Variants in ZSCAN2 observed in about 807,000 individuals in gnomAD.
ZSCAN2 encodes zinc finger and SCAN domain containing 2.
A neutral mutation model predicts 47.8 loss-of-function variants in ZSCAN2; 26 were observed. The ratio of observed to expected loss-of-function variants is 0.54; its 90% CI spans 0.40 to 0.75. ZSCAN2 has a LOEUF of 0.75. Ranked by LOEUF, ZSCAN2 falls within the 30% of genes least tolerant of loss-of-function variation. ZSCAN2 has a pLI of 0.00. For missense variants in ZSCAN2, 732 were observed against 785.4 expected (o/e 0.93, Z 0.81); for synonymous variants, 305 against 288.7 (o/e 1.06, Z -0.57).
At chr15:84,613,846 T>C (rs1895621535) in intron 2 of ZSCAN2, among the ~76,000 whole-genome samples, 1 of 151,718 alleles carries the variant, frequency 6.6e-6, no homozygotes, top group Non-Finnish European at 1.5e-5. Flanking sequence ...CATGCCCAGC[T>C]CATTTTTGTA....
At chr15:84,611,191 G>A (rs1022969515) in intron 2 of ZSCAN2, among the ~76,000 whole-genome samples, 12 of 152,082 alleles carry the variant, frequency 7.9e-5, no homozygotes, top group African/African-American at 2.7e-4. Context: ...CAGCTACTGG[G>A]GAGGCTAAGT....
Position 84,621,459 on chromosome 15 carries a change from G to A in ZSCAN2, c.1264G>A (p.Glu422Lys), listed in dbSNP as rs751431697. 1.1e-5 allele frequency: 18 copies of A among 1,613,962 alleles called. No individual in the cohort carries two copies. The highest frequency in any genetic ancestry group is 4.0e-5 in the African/African-American group (3 of 74,870). ...HTGEKPYQCSECGKSFSRSSN... is the reference protein window; with the variant it reads ...HTGEKPYQCSKCGKSFSRSSN... ...AGGAGAGAAACCCTACCAGTGCAGC[G>A]AGTGTGGGAAAAGCTTCAGCCGCAG... The change falls in exon 3 of 3, where the codon GAG becomes AAG. Residue 422 changes from glutamate (E) to lysine (K), a missense_variant. Glu to Lys is a moderately conservative substitution (Grantham distance 56). Coordinates refer to ENST00000546148, the MANE Select transcript of ZSCAN2 (RefSeq NM_181877.4). This position sits in a 1 kb window ranked among gnomAD's most constrained non-coding sequence, Gnocchi z 5.7.
Position 84,621,617 on chromosome 15 carries a change from C to T in ZSCAN2, c.1422C>T (p.Tyr474=), listed in dbSNP as rs372996130. The T allele has an allele frequency of 1.8e-5, 29 of 1,613,936 alleles. No individual in the cohort carries two copies. Among genetic ancestry groups the T allele is most frequent in the African/African-American group, 2.7e-5 (2 of 74,894 alleles). ...GCATGCACACAGGGGAGAAACCCTA[C>T]GAGTGCCTGACATGTGGGGAGAGCT... The part of the protein sequence containing the change: ...HQGMHTGEKP[Y]ECLTCGESFS... The change falls in exon 3 of 3, where the codon TAC becomes TAT. Residue 474 remains tyrosine, a synonymous_variant. Transcript: ENST00000546148. The surrounding 1 kb of genome is among the most constrained non-coding windows in gnomAD (Gnocchi z 5.7).
rs1895286429 is a variant in ZSCAN2 at position 84,603,838 on chromosome 15, T to C, written c.-90T>C. 7.0e-7 allele frequency: 1 copy of C among 1,435,214 alleles called. No individual in the cohort carries two copies. The highest frequency in any genetic ancestry group is 2.2e-5 in the Admixed American group (1 of 46,336). 88.9% of individuals were successfully genotyped at this position (1,435,214 alleles called of 1,614,324 possible). On this transcript the variant is annotated 5_prime_UTR_variant, in exon 2 of 3. Transcript: ENST00000546148. ...TTCTCAGCGGGACTACTTGTTGATA[T>C]TTGAGGAGGGAAGTGTCTTACCTGA...
At chr15:84,614,162 G>GTT (rs112700046) in intron 2 of ZSCAN2, among the ~76,000 whole-genome samples, 43 of 147,892 alleles carry the variant, frequency 2.9e-4, no homozygotes, top group Non-Finnish European at 5.5e-4. Context: ...GGCTAATTCT[G>GTT]TTTTTTTTTG....
In ZSCAN2 at chr15:84,621,110, C is replaced by T; in HGVS notation, c.915C>T (p.Pro305=). 1 of 1,614,080 alleles carries T rather than the reference C, an allele frequency of 6.2e-7. No homozygotes were observed. The highest frequency in any genetic ancestry group is 1.1e-5 in the South Asian group (1 of 91,078). Residue 305 remains proline (P), a synonymous_variant, in exon 3 of 3, where the codon CCC becomes CCT. Transcript: ENST00000546148. This position sits in a 1 kb window ranked among gnomAD's most constrained non-coding sequence, Gnocchi z 5.7. The part of the protein sequence containing the change: ...THQRIHTGEK[P]FQCAECGKSF... ...AGAGGATCCACACGGGGGAAAAGCC[C>T]TTCCAGTGTGCCGAGTGTGGCAAGA...
intron 2 of ZSCAN2, among the ~76,000 whole-genome samples, chr15:84,619,290 T>C (rs928120843): frequency 8.6e-5 from 13 of 151,810 alleles, no homozygotes; most frequent in East Asian, 3.9e-4. Context: ...ATTAGCCGGG[T>C]GTGGTGGTGG....
In ZSCAN2 at chr15:84,621,806, GAGCT is replaced by G; in HGVS notation, c.1612_1615del (p.Phe539AlafsTer70). 1 of 1,614,162 alleles carries G rather than the reference GAGCT, an allele frequency of 6.2e-7. No homozygotes were observed. The highest frequency in any genetic ancestry group is 8.5e-7 in the Non-Finnish European group (1 of 1,180,024). On this transcript the variant is annotated frameshift_variant, in exon 3 of 3. Transcript: ENST00000546148. LOFTEE classifies it high-confidence loss of function. This position sits in a 1 kb window ranked among gnomAD's most constrained non-coding sequence, Gnocchi z 5.7. ...CCTACAAATGCCTCATGTGCGGCAAGAGCTTCAGCCGGGGCTCCATTCTGGTCAT... is the reference window on the plus strand; with the variant it reads ...CCTACAAATGCCTCATGTGCGGCAAGTCAGCCGGGGCTCCATTCTGGTCAT...
intron 1 of ZSCAN2, among the ~76,000 whole-genome samples, chr15:84,601,508 G>A (rs1895201546): frequency 6.6e-6 from 1 of 152,186 alleles, no homozygotes; most frequent in Non-Finnish European, 1.5e-5. Flanking sequence ...CTTTTCCCAG[G>A]CTCCCAAGTA....
Position 84,603,796 on chromosome 15 carries a change from A to G in ZSCAN2, c.-108-24A>G, listed in dbSNP as rs965096812. 6.3e-6 allele frequency: 7 copies of G among 1,109,548 alleles called. No homozygotes were observed. In the South Asian group the frequency reaches 1.1e-4, roughly 18 times the overall value. The allele number at this position is 1,109,548 out of a possible 1,614,324, so 68.7% of individuals were successfully genotyped here. Reference sequence around the variant, plus strand: ...CTTTAGGACAGTCTACCTATGGATTATGGTTCTCTTTTTTGTTTCTCAGCG... The same window carrying G: ...CTTTAGGACAGTCTACCTATGGATTGTGGTTCTCTTTTTTGTTTCTCAGCG... On this transcript the variant is annotated intron_variant, in intron 1 of 2. Transcript: ENST00000546148.
chr15:84,608,832 G>A (rs546647412), intron 2 of ZSCAN2, among the ~76,000 whole-genome samples: 33 of 152,272 alleles, frequency 2.2e-4, no homozygotes, highest in Middle Eastern at 3.4e-3. Context: ...GTGGTCAGTG[G>A]GCCAGCAGCA....
Position 84,606,979 on chromosome 15 carries a change from T to C in ZSCAN2, c.406+2646T>C, listed in dbSNP as rs990549402. 5.1e-6 allele frequency: 3 copies of C among 587,534 alleles called. 1 individual carries two copies. The highest frequency in any genetic ancestry group is 1.2e-4 in the Admixed American group (2 of 16,062). The allele number at this position is 587,534 out of a possible 1,614,324, so 36.4% of individuals were successfully genotyped here. A position where few individuals can be genotyped will look rare whatever the true frequency, so the allele number is the denominator to read the frequency against. On this transcript the variant is annotated intron_variant, in intron 2 of 2. Transcript: ENST00000546148. ...ACCTCTATTCTGTTTGTCCAGCTTA[T>C]GACCTTTGGACACATTCACCCAGCA... is the stretch of plus-strand genomic sequence containing the variant.
intron 1 of ZSCAN2, chr15:84,601,884 C>T (rs1490346450): frequency 1.3e-5 from 2 of 150,364 alleles, no homozygotes; most frequent in Non-Finnish European, 2.9e-5. Context: ...TATTTTAAGT[C>T]GTTTGCAATT....
chr15:84,618,296 T>C (rs1895740706), intron 2 of ZSCAN2, among the ~76,000 whole-genome samples: 1 of 152,080 alleles, frequency 6.6e-6, no homozygotes. Context: ...TGTGCGCCTG[T>C]AGTCCCAGCT....
At chr15:84,605,890 T>C (rs1007505348) in intron 2 of ZSCAN2, among the ~76,000 whole-genome samples, 2 of 152,222 alleles carry the variant, frequency 1.3e-5, no homozygotes, top group Admixed American at 6.5e-5. Flanking sequence ...GGAAAACTCA[T>C]GTAATCTTCA....
intron 2 of ZSCAN2, chr15:84,606,215 G>C: frequency 2.9e-6 from 1 of 350,722 alleles, no homozygotes; most frequent in Non-Finnish European, 5.4e-6. Flanking sequence ...AATGAGTAGA[G>C]CTGTCCTCTG....
chr15:84,620,626 G>A lies in ZSCAN2; in HGVS notation c.431G>A (p.Gly144Glu). 6.2e-7 allele frequency: 1 copy of A among 1,607,014 alleles called. No individual in the cohort carries two copies. Among genetic ancestry groups the A allele is most frequent in the African/African-American group, 1.3e-5 (1 of 74,952 alleles). ...GATTTTGAGATACAGAGTGAAAATG[G>A]GGAGAACTGTAATCAAGACATGTTT... ...DSDFEIQSEN[G>E]ENCNQDMFEN... Residue 144 changes from glycine to glutamate, a missense_variant, in exon 3 of 3, where the codon GGG (glycine) becomes GAG (glutamate). Transcript: ENST00000546148.
At chr15:84,618,820 T>C (rs981918227) in intron 2 of ZSCAN2, among the ~76,000 whole-genome samples, 24 of 152,054 alleles carry the variant, frequency 1.6e-4, no homozygotes, top group Non-Finnish European at 3.1e-4. Flanking sequence ...CACCTTGGCC[T>C]CCCAAAGTGC....
intron 1 of ZSCAN2, among the ~76,000 whole-genome samples, chr15:84,603,084 C>T (rs1373608035): frequency 6.6e-6 from 1 of 152,060 alleles, no homozygotes; most frequent in African/African-American, 2.4e-5. Flanking sequence ...GAGATATTGC[C>T]TTTCTTCCAA....
Sources: gnomAD v4.1 joint callset for allele counts (sites outside exome capture counted in the v4.1 genomes callset) on GRCh38, gnomAD v4.1.1 for gene constraint, Gnocchi (gnomAD v3.1) non-coding constraint, MANE v1.5 for transcripts, NCBI Gene and HGNC (gene_info 2026-07-23, HGNC 2026-07-21) for gene names.